The following ANKRD44 variants were observed in gnomAD, a reference collection of about 807,000 sequenced individuals.
ANKRD44 encodes ankyrin repeat domain 44, also known as serine/threonine-protein phosphatase 6 regulatory ankyrin repeat subunit B.
ANKRD44 carries 35 observed loss-of-function variants against 116.0 expected under a neutral mutation model. The ratio of observed to expected loss-of-function variants is 0.30; its 90% CI spans 0.23 to 0.40. The LOEUF is 0.40. ANKRD44 is among the 10% of genes least tolerant of loss of function. The probability of loss-of-function intolerance (pLI) is 1.00; values close to 1 mark genes in which losing one functional copy is unlikely to be tolerated. For synonymous variants in ANKRD44, 435 were observed against 461.8 expected, an observed-to-expected ratio of 0.94 and a Z score of 0.74; for missense variants, 1,014 against 1,242.6, an observed-to-expected ratio of 0.82 and a Z score of 2.77.
At chr2:197,289,386 A>G (rs375353951) in intron 1 of ANKRD44, among the ~76,000 whole-genome samples, 10 of 152,360 alleles carry the variant, frequency 6.6e-5, no homozygotes, top group African/African-American at 2.4e-4. Context: ...TGCACTTATC[A>G]GGTATTATAC....
intron 6 of ANKRD44, among the ~76,000 whole-genome samples, chr2:197,124,866 G>A (rs967417029): frequency 1.3e-5 from 2 of 152,206 alleles, no homozygotes; most frequent in Non-Finnish European, 2.9e-5. Context: ...GTAGAAATGA[G>A]GGCTGCAGGC....
rs1287141538 is a variant in ANKRD44 at position 196,986,809 on chromosome 2, T to C, written c.*2782A>G. The C allele has an allele frequency of 2.0e-6, 2 of 985,340 alleles. No homozygotes were observed. The highest frequency in any genetic ancestry group is 2.4e-6 in the Non-Finnish European group (2 of 829,944). 61.0% of individuals were successfully genotyped at this position (985,340 alleles called of 1,614,324 possible). ...ACTGTGCTTGAGAAGATTCAGATTG[T>C]TTCAAAGTCATTCACTGAACTAAAA... On this transcript the variant is annotated 3_prime_UTR_variant, in exon 28 of 28. Coordinates refer to ENST00000282272, the MANE Select transcript of ANKRD44 (RefSeq NM_001195144.2).
intron 10 of ANKRD44, among the ~76,000 whole-genome samples, chr2:197,093,501 T>C (rs762452167): frequency 6.6e-6 from 1 of 152,166 alleles, no homozygotes; most frequent in Admixed American, 6.5e-5. Context: ...TTGATATATA[T>C]TTTTTACTCC....
intron 16 of ANKRD44, among the ~76,000 whole-genome samples, chr2:197,051,807 C>T (rs1054175656): frequency 1.3e-5 from 2 of 152,064 alleles, no homozygotes; most frequent in African/African-American, 2.4e-5. Context: ...GGAGTAAAAA[C>T]GTTAAGTGGG....
At chr2:197,287,697 T>A (rs2083444288) in intron 1 of ANKRD44, among the ~76,000 whole-genome samples, 1 of 152,132 alleles carries the variant, frequency 6.6e-6, no homozygotes, top group Non-Finnish European at 1.5e-5. Context: ...ATCTGGGGAC[T>A]TCTTAGCTAA....
chr2:197,227,847 G>A (rs1376115402), intron 1 of ANKRD44, among the ~76,000 whole-genome samples: 2 of 152,144 alleles, frequency 1.3e-5, no homozygotes, highest in Admixed American at 1.3e-4. Context: ...GGGTTATGAA[G>A]ATCAAATAAA....
intron 1 of ANKRD44, among the ~76,000 whole-genome samples, chr2:197,278,484 G>C (rs574190989): frequency 1.1e-4 from 17 of 152,080 alleles, no homozygotes; most frequent in African/African-American, 3.9e-4. Flanking sequence ...AGCCTCCCGA[G>C]TAGCTGGGAC....
intron 16 of ANKRD44, among the ~76,000 whole-genome samples, chr2:197,026,681 G>A (rs1439376221): frequency 6.6e-6 from 1 of 152,114 alleles, no homozygotes; most frequent in African/African-American, 2.4e-5. Context: ...GAAATTCAGT[G>A]GAGTGTTTTG....
chr2:197,044,693 G>A (rs935283599), intron 16 of ANKRD44, among the ~76,000 whole-genome samples: 5 of 152,146 alleles, frequency 3.3e-5, no homozygotes, highest in African/African-American at 1.2e-4. Context: ...TGCCTGAAAA[G>A]TGACATGATC....
At chr2:197,254,370 C>T (rs1220662455) in intron 1 of ANKRD44, among the ~76,000 whole-genome samples, 1 of 151,864 alleles carries the variant, frequency 6.6e-6, no homozygotes, top group African/African-American at 2.4e-5. Context: ...AGCAATAGAG[C>T]AAGGCTCCAT....
intron 1 of ANKRD44, among the ~76,000 whole-genome samples, chr2:197,251,342 C>A (rs1354270083): frequency 6.6e-6 from 1 of 151,982 alleles, no homozygotes; most frequent in Admixed American, 6.6e-5. Context: ...GTTCTTACAG[C>A]TTTTTTTTCC....
Position 197,158,642 on chromosome 2 carries a change from G to T in ANKRD44, c.112-11537C>A, listed in dbSNP as rs72926647. On this transcript the variant is annotated intron_variant, in intron 2 of 27. Transcript: ENST00000282272. ...CAGATAAATGAACACACAGTGTCAGGATCAAAATCACAGGAGAGGAAGCTA... is the reference window on the plus strand; with the variant it reads ...CAGATAAATGAACACACAGTGTCAGTATCAAAATCACAGGAGAGGAAGCTA... 5.7e-3 allele frequency among the ~76,000 whole-genome samples: 863 copies of T among 152,268 alleles called. 5 individuals carry two copies. The highest frequency in any genetic ancestry group is 9.7e-3 in the Non-Finnish European group (662 of 68,008).
chr2:197,110,926 C>A, intron 8 of ANKRD44, 82 bp from the exon 9 acceptor site: 1 of 892,868 alleles, frequency 1.1e-6, no homozygotes, highest in African/African-American at 1.6e-5. Context: ...TATGGACACT[C>A]CTAATAATGC....
rs1427244242 is a variant in ANKRD44 at position 197,212,997 on chromosome 2, A to G, written c.28-25891T>C. ...GCCCCTAAATGCAAGCCAACTTCTTATCTGGTGCTCAAAGAAACAGCAATG... is the reference window on the plus strand; with the variant it reads ...GCCCCTAAATGCAAGCCAACTTCTTGTCTGGTGCTCAAAGAAACAGCAATG... On this transcript the variant is annotated intron_variant, in intron 1 of 27. Transcript: ENST00000282272. The surrounding 1 kb of genome is among the most constrained non-coding windows in gnomAD (Gnocchi z 4.8). Among the ~76,000 whole-genome samples the G allele has an allele frequency of 1.3e-5, 2 of 152,228 alleles. No individual in the cohort carries two copies. Among genetic ancestry groups the G allele is most frequent in the Non-Finnish European group, 1.5e-5 (1 of 68,036 alleles).
chr2:197,155,824 T>A (rs1391507632), intron 2 of ANKRD44, among the ~76,000 whole-genome samples: 1 of 152,176 alleles, frequency 6.6e-6, no homozygotes, highest in East Asian at 1.9e-4. Context: ...TGGAATTTTA[T>A]CAAAATGAAT....
chr2:197,064,841 C>T (rs1158668948), intron 16 of ANKRD44, among the ~76,000 whole-genome samples: 1 of 152,158 alleles, frequency 6.6e-6, no homozygotes, highest in Non-Finnish European at 1.5e-5. Context: ...TAGACTCCCA[C>T]ACAACAATAA....
intron 9 of ANKRD44, among the ~76,000 whole-genome samples, chr2:197,103,259 A>C (rs952023612): frequency 1.3e-5 from 2 of 151,256 alleles, no homozygotes; most frequent in Admixed American, 6.6e-5. Context: ...TGGGGGAGGA[A>C]TGTATTAGTC....
chr2:197,288,889 G>A (rs1189140319), intron 1 of ANKRD44, among the ~76,000 whole-genome samples: 1 of 152,142 alleles, frequency 6.6e-6, no homozygotes, highest in Non-Finnish European at 1.5e-5. Flanking sequence ...AGATACCAGA[G>A]GCTGAGAAGG....
rs746491190 is a variant in ANKRD44 at position 197,001,784 on chromosome 2, C to T, written c.2404G>A (p.Gly802Ser). ...CAGTGCAGTGGAGTAAAGGGATTACCGATAAATTTGCGAAAACATTTTTGC... is the reference window on the plus strand; with the variant it reads ...CAGTGCAGTGGAGTAAAGGGATTACTGATAAATTTGCGAAAACATTTTTGC... ...LEQKCFRKFIGNPFTPLHCAI... is the reference protein window; with the variant it reads ...LEQKCFRKFISNPFTPLHCAI... Residue 802 changes from glycine (G) to serine (S), a missense_variant, in exon 22 of 28, where the codon GGT becomes AGT. Transcript: ENST00000282272. 1.1e-5 allele frequency: 17 copies of T among 1,613,270 alleles called. No individual in the cohort carries two copies. The highest frequency in any genetic ancestry group is 3.3e-5 in the South Asian group (3 of 91,048).
Sources: gnomAD v4.1 joint callset for allele counts (sites outside exome capture counted in the v4.1 genomes callset) on GRCh38, gnomAD v4.1.1 for gene constraint, Gnocchi (gnomAD v3.1) non-coding constraint, MANE v1.5 for transcripts, NCBI Gene and HGNC (gene_info 2026-07-23, HGNC 2026-07-21) for gene names.